TACC2: variants seen among roughly 807,000 people sequenced by gnomAD.
The protein encoded by TACC2 is transforming acidic coiled-coil containing protein 2.
In TACC2, 137 loss-of-function variants were observed where a neutral mutation model predicts 227.3. The observed-to-expected ratio is 0.60, with a 90% CI of 0.52 to 0.69. The LOEUF (loss-of-function observed/expected upper bound fraction) is 0.69, where lower values mean the gene tolerates loss of function less well. TACC2 is among the 30% of genes least tolerant of loss of function. The pLI is 0.00. For missense variants in TACC2, 3,470 were observed against 3,694.4 expected (o/e 0.94, Z 1.57); for synonymous variants, 1,523 against 1,487.5 (o/e 1.02, Z -0.55).
intron 7 of TACC2, among the ~76,000 whole-genome samples, chr10:122,187,853 G>A (rs2094263368): frequency 6.6e-6 from 1 of 152,102 alleles, no homozygotes; most frequent in South Asian, 2.1e-4. Context: ...CAATAATAAT[G>A]GGGAGGCATT....
chr10:122,112,608 G>A (rs1316345648), intron 5 of TACC2, among the ~76,000 whole-genome samples: 2 of 152,114 alleles, frequency 1.3e-5, no homozygotes, highest in African/African-American at 4.8e-5. Flanking sequence ...CCTCAGGCGG[G>A]CAACGGCCCC....
At chr10:121,995,990 G>A (rs1200203961) in intron 1 of TACC2, among the ~76,000 whole-genome samples, 4 of 152,154 alleles carry the variant, frequency 2.6e-5, no homozygotes, top group African/African-American at 9.7e-5. Flanking sequence ...CTGACCTCGT[G>A]ATCTGCCCGC....
chr10:122,044,980 C>T (rs1167827826), intron 2 of TACC2, among the ~76,000 whole-genome samples: 1 of 152,098 alleles, frequency 6.6e-6, no homozygotes, highest in Non-Finnish European at 1.5e-5. Context: ...GTGACGCCTG[C>T]TGACACACAG....
chr10:122,099,213 C>T (rs1185727622), intron 5 of TACC2, among the ~76,000 whole-genome samples: 1 of 152,236 alleles, frequency 6.6e-6, no homozygotes, highest in Admixed American at 6.5e-5. Context: ...GAGGAGTAGA[C>T]TGTTCCTGGC....
intron 7 of TACC2, among the ~76,000 whole-genome samples, chr10:122,169,585 T>C (rs1319535019): frequency 1.1e-4 from 17 of 152,226 alleles, no homozygotes; most frequent in Non-Finnish European, 4.4e-5. Flanking sequence ...TGCTGATTCC[T>C]GGTTATACGG....
intron 5 of TACC2, among the ~76,000 whole-genome samples, chr10:122,097,745 TG>T (rs1353463621): frequency 6.6e-6 from 1 of 151,982 alleles, no homozygotes; most frequent in Non-Finnish European, 1.5e-5. Context: ...CAATGTCTCC[TG>T]GGGGTAAAGG....
At chr10:122,108,410 GTGTGTATATATATA>G in intron 5 of TACC2, among the ~76,000 whole-genome samples, 1 of 146,224 alleles carries the variant, frequency 6.8e-6, no homozygotes, top group Admixed American at 6.9e-5. Context: ...CTATGTGTGT[GTGTGTATATATATA>G]TGTGTATGTC....
chr10:122,224,042 A>C (rs960212999), intron 11 of TACC2, among the ~76,000 whole-genome samples: 1 of 152,166 alleles, frequency 6.6e-6, no homozygotes, highest in Non-Finnish European at 1.5e-5. Flanking sequence ...TACTCGAGGC[A>C]GGCAGTGGTG....
chr10:122,157,448 C>T (rs1592715820), intron 7 of TACC2, among the ~76,000 whole-genome samples: 1 of 151,936 alleles, frequency 6.6e-6, no homozygotes, highest in African/African-American at 2.4e-5. Flanking sequence ...TACATACAGT[C>T]ACCTGGTGAA....
chr10:122,218,837 A>G (rs1266801025), intron 11 of TACC2, among the ~76,000 whole-genome samples: 2 of 151,846 alleles, frequency 1.3e-5, no homozygotes, highest in East Asian at 1.9e-4. Flanking sequence ...CCTGGGCAAC[A>G]TGGCAAAACA....
chr10:121,995,655 G>A (rs754864008), intron 1 of TACC2, among the ~76,000 whole-genome samples: 4 of 152,178 alleles, frequency 2.6e-5, no homozygotes, highest in Non-Finnish European at 4.4e-5. Flanking sequence ...CCCACTTGGC[G>A]TCTGCTGCCG....
At chr10:122,034,927 CAAAAA>C (rs66566854) in intron 2 of TACC2, among the ~76,000 whole-genome samples, 2 of 116,196 alleles carry the variant, frequency 1.7e-5, no homozygotes, top group Non-Finnish European at 3.6e-5. Context: ...GACTCCATCT[CAAAAA>C]AAAAAAAAAA....
At chr10:122,006,059 A>C (rs1955082930) in intron 1 of TACC2, among the ~76,000 whole-genome samples, 1 of 152,086 alleles carries the variant, frequency 6.6e-6, no homozygotes, top group Admixed American at 6.6e-5. Context: ...GCTGGATATA[A>C]AATCTTTGGT....
Position 122,082,800 on chromosome 10 carries a change from G to A in TACC2, c.300G>A (p.Pro100=), listed in dbSNP as rs373182521. 79 of 1,613,574 alleles carry A rather than the reference G, an allele frequency of 4.9e-5. No individual in the cohort carries two copies. Among genetic ancestry groups the A allele is most frequent in the African/African-American group, 2.4e-4 (18 of 74,860 alleles). ...PEGSLLPSPP[P]SQEREHPSSS... ...GTTCTTTGCTGCCCAGCCCACCACC[G>A]TCCCAGGAGCGAGAGCACCCCTCGT... is the stretch of plus-strand genomic sequence containing the variant. Residue 100 remains proline, a synonymous_variant, in exon 4 of 23, where the codon CCG becomes CCA. Transcript: ENST00000369005.
intron 2 of TACC2, among the ~76,000 whole-genome samples, chr10:122,040,551 C>T (rs2074125702): frequency 6.6e-6 from 1 of 152,152 alleles, no homozygotes; most frequent in South Asian, 2.1e-4. Context: ...GGAAGGGCAA[C>T]CCTAACCCCT....
At chr10:122,059,075 G>T (rs559781216) in intron 3 of TACC2, among the ~76,000 whole-genome samples, 68,770 of 127,878 alleles carry the variant, frequency 0.54, 20,242 homozygotes, top group Non-Finnish European at 0.63. Flanking sequence ...TGTTGTTGTT[G>T]TTGTTGTTGT....
At chr10:122,159,260 T>C (rs1023813645) in intron 7 of TACC2, among the ~76,000 whole-genome samples, 1 of 152,190 alleles carries the variant, frequency 6.6e-6, no homozygotes, top group Admixed American at 6.5e-5. Flanking sequence ...GCAAAGGCAG[T>C]GGACGACTTT....
chr10:122,214,752 A>G (rs1272065179), intron 9 of TACC2, among the ~76,000 whole-genome samples: 3 of 152,180 alleles, frequency 2.0e-5, no homozygotes, highest in African/African-American at 7.2e-5. Context: ...AAGGGAGAGA[A>G]GAGCTGTGAA....
chr10:122,132,585 G>C (rs576771097), intron 5 of TACC2, 24 bp from the exon 6 acceptor site: 1 of 1,613,902 alleles, frequency 6.2e-7, no homozygotes, highest in Admixed American at 1.7e-5. Context: ...CTGAGTTTAG[G>C]TTCTTTCCCT....
Sources: gnomAD v4.1 joint callset for allele counts (sites outside exome capture counted in the v4.1 genomes callset) on GRCh38, gnomAD v4.1.1 for gene constraint, MANE v1.5 for transcripts, NCBI Gene and HGNC (gene_info 2026-07-23, HGNC 2026-07-21) for gene names.